NBEA: variants seen among roughly 807,000 people sequenced by gnomAD.
The protein encoded by NBEA is lysosomal-trafficking regulator 2.
A neutral mutation model predicts 343.4 loss-of-function variants in NBEA; 44 were observed. The observed-to-expected ratio is 0.13, with a 90% CI of 0.10 to 0.16. NBEA has a LOEUF of 0.16. NBEA is among the 10% of genes least tolerant of loss of function. The probability of loss-of-function intolerance (pLI) is 1.00; values close to 1 mark genes in which losing one functional copy is unlikely to be tolerated. For missense variants in NBEA, 2,555 were observed against 3,631.3 expected (o/e 0.70, Z 7.62); for synonymous variants, 1,175 against 1,238.7 (o/e 0.95, Z 1.08).
Position 35,590,482 on chromosome 13 carries a change from G to A in NBEA, c.7177-2846G>A, listed in dbSNP as rs770622215. Among the ~76,000 whole-genome samples the A allele has an allele frequency of 7.2e-5, 11 of 152,058 alleles. No individual in the cohort carries two copies. The South Asian group carries it at 8.3e-4, about 12-fold the overall frequency. On this transcript the variant is annotated intron_variant, in intron 46 of 58. Transcript: ENST00000379939. ...CAGATTCATTCATAACTTTGTTACC[G>A]GAAATAAATATAATTCTTTAATTTC...
chr13:35,575,195 T>G (rs2080676403), intron 45 of NBEA, among the ~76,000 whole-genome samples: 3 of 152,220 alleles, frequency 2.0e-5, no homozygotes, highest in African/African-American at 7.2e-5. Context: ...TATCGTTTCA[T>G]GACTTCAGGT....
At chr13:35,345,599 G>A (rs759530721) in intron 36 of NBEA, among the ~76,000 whole-genome samples, 32 of 152,022 alleles carry the variant, frequency 2.1e-4, no homozygotes, top group Non-Finnish European at 4.3e-4. Context: ...CTAGATGTAA[G>A]ACTGAGAAAG....
rs569440071 is a variant in NBEA, at chr13:34,947,036, A to G, written c.294+3922A>G. ...GCATCTTAGAATCATGGAGGTCCTT[A>G]ATACTAATAAAACCACATTTATATT... On this transcript the variant is annotated intron_variant, in intron 1 of 58. Transcript: ENST00000379939. Among the ~76,000 whole-genome samples the G allele has an allele frequency of 2.9e-3, 434 of 152,020 alleles. 2 individuals carry two copies. The highest frequency in any genetic ancestry group is 9.9e-3 in the African/African-American group (410 of 41,522).
chr13:35,636,594 G>A (rs2083701276), intron 49 of NBEA, among the ~76,000 whole-genome samples: 2 of 152,130 alleles, frequency 1.3e-5, no homozygotes, highest in Admixed American at 1.3e-4. Flanking sequence ...TCTCGTTCCT[G>A]CTCCTACACC....
In NBEA at chr13:35,117,512, A is replaced by G. The variant is rs1209247156; in HGVS notation, c.2082+19A>G. Reference sequence around the variant, plus strand: ...ACTAAAGGTAAAATAATTTTATATAATTTAAAATAATAGTATATTAGGTAG... The same window carrying G: ...ACTAAAGGTAAAATAATTTTATATAGTTTAAAATAATAGTATATTAGGTAG... On this transcript the variant is annotated intron_variant, in intron 14 of 58. Coordinates refer to ENST00000379939, the MANE Select transcript of NBEA (RefSeq NM_001385012.1). 1.7e-6 allele frequency: 2 copies of G among 1,148,756 alleles called. No individual in the cohort carries two copies. The highest frequency in any genetic ancestry group is 2.3e-6 in the Non-Finnish European group (2 of 872,478). 71.2% of individuals were successfully genotyped at this position (1,148,756 alleles called of 1,614,324 possible). A position where few individuals can be genotyped will look rare whatever the true frequency, so the allele number is the denominator to read the frequency against.
At chr13:35,055,310 A>C (rs879157900) in intron 6 of NBEA, among the ~76,000 whole-genome samples, 1 of 152,170 alleles carries the variant, frequency 6.6e-6, no homozygotes, top group Admixed American at 6.6e-5. Flanking sequence ...ATCCATATTA[A>C]AATAGATACT....
intron 55 of NBEA, among the ~76,000 whole-genome samples, chr13:35,664,274 C>G (rs1173910141): frequency 2.0e-5 from 3 of 152,084 alleles, no homozygotes. Flanking sequence ...GGAGGCAGCT[C>G]TAGGAAAGAG....
intron 1 of NBEA, among the ~76,000 whole-genome samples, chr13:35,036,929 T>C (rs989406972): frequency 2.0e-5 from 3 of 152,158 alleles, no homozygotes; most frequent in African/African-American, 7.2e-5. Context: ...TGTACTTGGA[T>C]GTTTTCTCTA....
intron 41 of NBEA, among the ~76,000 whole-genome samples, chr13:35,531,144 G>C (rs2078243803): frequency 6.6e-6 from 1 of 151,982 alleles, no homozygotes; most frequent in South Asian, 2.1e-4. Flanking sequence ...ACAGAGTCAT[G>C]ATTTATCATT....
At chr13:35,285,199 G>A (rs1167768285) in intron 34 of NBEA, among the ~76,000 whole-genome samples, 1 of 152,154 alleles carries the variant, frequency 6.6e-6, no homozygotes, top group African/African-American at 2.4e-5. Flanking sequence ...GGAGGTCCAG[G>A]TGGATGGATT....
chr13:35,003,042 A>G lies in NBEA; in HGVS notation c.295-37891A>G, dbSNP rs916811544. Among the ~76,000 whole-genome samples the G allele has an allele frequency of 7.2e-5, 11 of 152,318 alleles. No individual in the cohort carries two copies. The East Asian group carries it at 2.1e-3, about 29-fold the overall frequency. ...AGAGAGCGTTCTCCAGCCACAGTAC[A>G]ATGAACGAAGAATGCACACACTCAA... On this transcript the variant is annotated intron_variant, in intron 1 of 58. Transcript: ENST00000379939.
At chr13:35,400,073 TG>T (rs2042925987) in intron 38 of NBEA, among the ~76,000 whole-genome samples, 2 of 151,608 alleles carry the variant, frequency 1.3e-5, no homozygotes, top group Admixed American at 6.6e-5. Context: ...ATAATAAGAA[TG>T]AAAAAGTTTG....
At chr13:35,010,230 A>G (rs138927587) in intron 1 of NBEA, among the ~76,000 whole-genome samples, 4 of 152,270 alleles carry the variant, frequency 2.6e-5, no homozygotes, top group Admixed American at 1.3e-4. Flanking sequence ...TAGAGAAGAG[A>G]TGCAAGTACT....
intron 33 of NBEA, among the ~76,000 whole-genome samples, chr13:35,212,331 A>AT (rs2073829118): frequency 6.6e-6 from 1 of 152,140 alleles, no homozygotes; most frequent in Non-Finnish European, 1.5e-5. Flanking sequence ...CTATTGTTGC[A>AT]TATAACGAGT....
intron 34 of NBEA, among the ~76,000 whole-genome samples, chr13:35,265,994 C>T (rs1309899504): frequency 2.6e-5 from 4 of 151,614 alleles, no homozygotes; most frequent in Non-Finnish European, 5.9e-5. Context: ...AGTAACTTAA[C>T]TAAGCCAGAA....
At chr13:35,298,973 G>A in intron 35 of NBEA, among the ~76,000 whole-genome samples, 1 of 151,826 alleles carries the variant, frequency 6.6e-6, no homozygotes, top group East Asian at 1.9e-4. Flanking sequence ...CAGTAATTAT[G>A]TATGTTTTAT....
chr13:34,957,652 T>C (rs1363671740), intron 1 of NBEA, among the ~76,000 whole-genome samples: 3 of 152,182 alleles, frequency 2.0e-5, no homozygotes, highest in African/African-American at 7.2e-5. Context: ...ATACTACCTG[T>C]CTATTTATAG....
chr13:35,396,006 A>T (rs2042727208), intron 38 of NBEA, among the ~76,000 whole-genome samples: 1 of 151,880 alleles, frequency 6.6e-6, no homozygotes, highest in Non-Finnish European at 1.5e-5. Flanking sequence ...TTTATTTTCC[A>T]CTCATCTGTG....
At chr13:35,081,451 T>C (rs2064391157) in intron 10 of NBEA, among the ~76,000 whole-genome samples, 2 of 152,116 alleles carry the variant, frequency 1.3e-5, no homozygotes, top group African/African-American at 4.8e-5. Context: ...AATACATATA[T>C]TATTTTTTGA....
Sources: allele counts gnomAD v4.1 joint callset (sites outside exome capture counted in the v4.1 genomes callset), GRCh38; gene constraint gnomAD v4.1.1; transcripts MANE v1.5; gene names NCBI Gene and HGNC (gene_info 2026-07-23, HGNC 2026-07-21).